Variants in R3HDM1 observed in about 807,000 individuals in gnomAD.
R3HDM1 encodes R3H domain containing 1.
A neutral mutation model predicts 141.1 loss-of-function variants in R3HDM1; 46 were observed. The observed-to-expected ratio is 0.33, with a 90% CI of 0.26 to 0.42. The LOEUF (loss-of-function observed/expected upper bound fraction) is 0.42, where lower values mean the gene tolerates loss of function less well. R3HDM1 is among the 10% of genes least tolerant of loss of function. R3HDM1 has a pLI of 1.00. For missense variants in R3HDM1, 1,184 were observed against 1,368.3 expected (o/e 0.87, Z 2.12); for synonymous variants, 435 against 472.9 (o/e 0.92, Z 1.04).
At chr2:135,544,051 A>T (rs1476154399) in intron 1 of R3HDM1, among the ~76,000 whole-genome samples, 1 of 152,256 alleles carries the variant, frequency 6.6e-6, no homozygotes. Flanking sequence ...TTATAAAATG[A>T]AGATAATGAC....
At chr2:135,582,419 CT>C (rs1707023521) in intron 1 of R3HDM1, among the ~76,000 whole-genome samples, 1 of 152,092 alleles carries the variant, frequency 6.6e-6, no homozygotes, top group South Asian at 2.1e-4. Context: ...TTCTTACCTC[CT>C]TTTAGGTTAT....
chr2:135,557,509 G>A (rs1366564194), intron 1 of R3HDM1, among the ~76,000 whole-genome samples: 5 of 152,158 alleles, frequency 3.3e-5, no homozygotes, highest in Non-Finnish European at 7.3e-5. Flanking sequence ...GTCTCAGATG[G>A]TGTAATCCGA....
At chr2:135,592,318 A>T (rs913672493) in intron 1 of R3HDM1, among the ~76,000 whole-genome samples, 2 of 152,222 alleles carry the variant, frequency 1.3e-5, no homozygotes, top group Non-Finnish European at 2.9e-5. Context: ...ATTTTCCATT[A>T]CACAATATCT....
chr2:135,596,504 T>A (rs1574191627), intron 1 of R3HDM1, among the ~76,000 whole-genome samples: 1 of 152,326 alleles, frequency 6.6e-6, no homozygotes, highest in African/African-American at 2.4e-5. Context: ...CAGATGTGAT[T>A]TGAAGTCCCT....
chr2:135,712,523 C>T (rs1008459373), intron 23 of R3HDM1, among the ~76,000 whole-genome samples: 7 of 150,840 alleles, frequency 4.6e-5, no homozygotes, highest in Middle Eastern at 3.4e-3. Context: ...CCACCTGGCT[C>T]AGCCTCCCAA....
intron 25 of R3HDM1, 63 bp downstream of exon 25, chr2:135,722,069 A>G: frequency 6.6e-7 from 1 of 1,513,330 alleles, no homozygotes; most frequent in Non-Finnish European, 9.2e-7. Flanking sequence ...TCAGAGTGTA[A>G]GGGGCAACCC....
intron 21 of R3HDM1, among the ~76,000 whole-genome samples, chr2:135,700,404 A>G (rs967851350): frequency 5.3e-5 from 8 of 152,226 alleles, no homozygotes; most frequent in African/African-American, 9.6e-5. Context: ...TCAGGCTGCT[A>G]TAGTTCACAA....
chr2:135,686,238 TAGCTGCTATAGAAAAC>T (rs1203970005), intron 21 of R3HDM1, among the ~76,000 whole-genome samples: 2 of 152,190 alleles, frequency 1.3e-5, no homozygotes, highest in African/African-American at 4.8e-5. Flanking sequence ...TAAAATGGTG[TAGCTGCTATAGAAAAC>T]AGTACAGAAG....
chr2:135,628,171 A>C (rs1426833898), intron 7 of R3HDM1, among the ~76,000 whole-genome samples: 1 of 152,202 alleles, frequency 6.6e-6, no homozygotes, highest in Non-Finnish European at 1.5e-5. Flanking sequence ...GCCCCTATAA[A>C]GGATTAGTAA....
At chr2:135,614,285 C>A (rs1328108092) in intron 3 of R3HDM1, among the ~76,000 whole-genome samples, 5 of 152,062 alleles carry the variant, frequency 3.3e-5, no homozygotes, top group Admixed American at 3.3e-4. Context: ...ATATACAGCA[C>A]CCCCATTTTA....
intron 21 of R3HDM1, among the ~76,000 whole-genome samples, chr2:135,692,633 G>A (rs1338277698): frequency 2.0e-5 from 3 of 151,974 alleles, no homozygotes; most frequent in Non-Finnish European, 4.4e-5. Context: ...TTTTTCCATA[G>A]AGCATCTGAA....
At chr2:135,700,575 T>C (rs2074059729) in intron 21 of R3HDM1, among the ~76,000 whole-genome samples, 1 of 152,240 alleles carries the variant, frequency 6.6e-6, no homozygotes, top group Non-Finnish European at 1.5e-5. Context: ...CCTTGACAAC[T>C]GTTCATAAAT....
At chr2:135,559,388 A>T (rs1045753022) in intron 1 of R3HDM1, among the ~76,000 whole-genome samples, 2 of 152,124 alleles carry the variant, frequency 1.3e-5, no homozygotes, top group Non-Finnish European at 2.9e-5. Flanking sequence ...AAGTGCTGGG[A>T]TTACAGGCAT....
intron 1 of R3HDM1, among the ~76,000 whole-genome samples, chr2:135,600,849 A>G (rs1454830210): frequency 6.6e-6 from 1 of 152,182 alleles, no homozygotes; most frequent in East Asian, 1.9e-4. Context: ...ACAATATTGG[A>G]CTAGGTGGTC....
intron 7 of R3HDM1, chr2:135,622,973 A>G (rs1349422660): frequency 2.0e-6 from 2 of 981,058 alleles, no homozygotes; most frequent in East Asian, 1.1e-4. Context: ...AATCACTAAG[A>G]TATTTAGGCT....
chr2:135,554,128 T>G (rs1297818959), intron 1 of R3HDM1, among the ~76,000 whole-genome samples: 1 of 152,220 alleles, frequency 6.6e-6, no homozygotes, highest in Non-Finnish European at 1.5e-5. Flanking sequence ...ATAGAACATT[T>G]TCATCTCTCC....
rs910507952 is a variant in R3HDM1 at position 135,616,017 on chromosome 2, C to T, written c.172-135C>T. 3.9e-6 allele frequency: 3 copies of T among 761,768 alleles called. No individual in the cohort carries two copies. In the African/African-American group the frequency reaches 5.4e-5, roughly 14 times the overall value. The allele number at this position is 761,768 out of a possible 1,614,324, so 47.2% of individuals were successfully genotyped here. A position where few individuals can be genotyped will look rare whatever the true frequency, so the allele number is the denominator to read the frequency against. ...TCTGGGAGGAATCAGTACTCCTTTA[C>T]TGAAACCAACTTTGATTTCCTCACT... On this transcript the variant is annotated intron_variant, in intron 3 of 26. Transcript: ENST00000683871.
At chr2:135,715,317 A>C (rs948810436) in intron 23 of R3HDM1, among the ~76,000 whole-genome samples, 1 of 152,066 alleles carries the variant, frequency 6.6e-6, no homozygotes, top group East Asian at 1.9e-4. Context: ...GCTTGCAGTG[A>C]GCTGTGATTG....
intron 1 of R3HDM1, among the ~76,000 whole-genome samples, chr2:135,546,378 T>C (rs562334209): frequency 3.6e-4 from 54 of 152,062 alleles, no homozygotes; most frequent in Non-Finnish European, 4.6e-4. Context: ...CTGAAGAGAA[T>C]AGAATAGATG....
Sources: allele counts gnomAD v4.1 joint callset (sites outside exome capture counted in the v4.1 genomes callset), GRCh38; gene constraint gnomAD v4.1.1; transcripts MANE v1.5; gene names NCBI Gene and HGNC (gene_info 2026-07-23, HGNC 2026-07-21).